The following UTS2R variants were observed in gnomAD, a reference collection of about 807,000 sequenced individuals.
UTS2R encodes the protein urotensin-2 receptor.
For missense variants in UTS2R, 653 were observed against 562.2 expected, an observed-to-expected ratio of 1.16 and a Z score of -1.63; for synonymous variants, 335 against 280.9, an observed-to-expected ratio of 1.19 and a Z score of -1.93.
rs962768001 is a variant in UTS2R at position 82,376,613 on chromosome 17, A to G, written c.*1119A>G. On this transcript the variant is annotated 3_prime_UTR_variant, in exon 3 of 3. Transcript: ENST00000313135. ...CAGCGCTCTCCCCAGGGCCTCCCGGAAGAGGGGCAATGCTTGCAGCTCCCC... is the reference window on the plus strand; with the variant it reads ...CAGCGCTCTCCCCAGGGCCTCCCGGGAGAGGGGCAATGCTTGCAGCTCCCC... Among the ~76,000 whole-genome samples, 1 of 152,178 alleles carries G rather than the reference A, an allele frequency of 6.6e-6. No individual in the cohort carries two copies. Among genetic ancestry groups the G allele is most frequent in the Non-Finnish European group, 1.5e-5 (1 of 68,030 alleles).
In UTS2R at chr17:82,374,542, T is replaced by C; in HGVS notation, c.218T>C (p.Leu73Pro). 1.3e-6 allele frequency: 2 copies of C among 1,585,026 alleles called. No individual in the cohort carries two copies. The highest frequency in any genetic ancestry group is 1.1e-5 in the South Asian group (1 of 87,992). ...VVGVVGNAYTLVVTCRSLRAV... is the reference protein window; with the variant it reads ...VVGVVGNAYTPVVTCRSLRAV... ...GGCGTGGTGGGCAACGCCTACACGC[T>C]GGTGGTCACCTGCCGCTCCCTGCGT... Residue 73 changes from leucine (L) to proline (P), a missense_variant, in exon 3 of 3, where the codon CTG becomes CCG. By Grantham distance (98) the Leu-to-Pro change is moderately conservative. Transcript: ENST00000313135.
chr17:82,373,890 T>G (rs907824871), intron 2 of UTS2R, among the ~76,000 whole-genome samples: 6 of 152,154 alleles, frequency 3.9e-5, no homozygotes, highest in African/African-American at 1.4e-4. Context: ...AAGTGAGGCC[T>G]GGGGGGGCGC....
In UTS2R at chr17:82,374,403, G is replaced by T; in HGVS notation, c.79G>T (p.Gly27Cys). 6.3e-7 allele frequency: 1 copy of T among 1,593,856 alleles called. No individual in the cohort carries two copies. ...TGSSVPEPPG[G>C]PNATLNSSWA... ...CAGCTCTGTGCCGGAGCCGCCTGGCGGCCCCAACGCAACCCTCAACAGCTC... is the reference window on the plus strand; with the variant it reads ...CAGCTCTGTGCCGGAGCCGCCTGGCTGCCCCAACGCAACCCTCAACAGCTC... The change falls in exon 3 of 3, where the codon GGC becomes TGC. Residue 27 changes from glycine (G) to cysteine (C), a missense_variant. Physicochemically the swap from Gly to Cys is radical, Grantham distance 159. Transcript: ENST00000313135.
rs1328136455 is a variant in UTS2R at position 82,376,538 on chromosome 17, T to G, written c.*1044T>G. On this transcript the variant is annotated 3_prime_UTR_variant, in exon 3 of 3. Transcript: ENST00000313135. ...CTCCAGTGCCTACCCCTCAGTGGAG[T>G]GAGCACAGCTCTGCTGGCAGGACTG... 2.6e-5 allele frequency among the ~76,000 whole-genome samples: 4 copies of G among 151,934 alleles called. No homozygotes were observed. The highest frequency in any genetic ancestry group is 4.4e-5 in the Non-Finnish European group (3 of 67,976).
rs372316040 is a variant in UTS2R, at chr17:82,375,394, G to A, written c.1070G>A (p.Arg357His). The A allele has an allele frequency of 6.0e-5, 95 of 1,577,388 alleles. No individual in the cohort carries two copies. In the African/African-American group the frequency reaches 1.2e-3, roughly 20 times the overall value. Residue 357 changes from arginine (R) to histidine (H), a missense_variant, in exon 3 of 3, where the codon CGC becomes CAC. Coordinates refer to ENST00000313135, the MANE Select transcript of UTS2R (RefSeq NM_018949.3). ...PRARFQRCSG[R>H]SLSSCSPQPT... ...GCCCGCTTCCAGCGCTGTTCGGGCC[G>A]CTCCCTGTCTTCCTGCAGCCCACAG...
chr17:82,375,353 C>T lies in UTS2R; in HGVS notation c.1029C>T (p.Pro343=), dbSNP rs911283776. The T allele has an allele frequency of 8.2e-6, 13 of 1,576,192 alleles. No homozygotes were observed. The highest frequency in any genetic ancestry group is 1.4e-5 in the African/African-American group (1 of 71,588). The part of the protein sequence containing the change: ...PGSGGGRGPV[P]SLQPRARFQR... Reference sequence around the variant, plus strand: ...GCGGGGGAGGCCGGGGGCCCGTTCCCTCCCTGCAGCCCCGCGCCCGCTTCC... The same window carrying T: ...GCGGGGGAGGCCGGGGGCCCGTTCCTTCCCTGCAGCCCCGCGCCCGCTTCC... The change falls in exon 3 of 3, where the codon CCC becomes CCT. Residue 343 remains proline (P), a synonymous_variant. Transcript: ENST00000313135.
intron 2 of UTS2R, among the ~76,000 whole-genome samples, 84 bp downstream of exon 2, chr17:82,372,867 C>T (rs193265667): frequency 5.6e-4 from 86 of 152,310 alleles, no homozygotes; most frequent in Middle Eastern, 6.8e-3. Flanking sequence ...TCCAAAGCGG[C>T]GGCACAGTCC....
intron 2 of UTS2R, among the ~76,000 whole-genome samples, chr17:82,374,027 G>C (rs1599673345): frequency 6.6e-6 from 1 of 152,032 alleles, no homozygotes; most frequent in African/African-American, 2.4e-5. Context: ...ACAGTGAGGG[G>C]GGGGCAGGGG....
Position 82,375,342 on chromosome 17 carries a change from G to A in UTS2R, c.1018G>A (p.Gly340Arg). The A allele has an allele frequency of 6.4e-7, 1 of 1,563,636 alleles. No individual in the cohort carries two copies. Among genetic ancestry groups the A allele is most frequent in the Non-Finnish European group, 8.6e-7 (1 of 1,158,034 alleles). The change falls in exon 3 of 3, where the codon GGG (glycine) becomes AGG (arginine). Residue 340 changes from glycine (G) to arginine (R), a missense_variant. Physicochemically the swap from Gly to Arg is moderately radical, Grantham distance 125 (BLOSUM62 -2). Transcript: ENST00000313135. Reference protein sequence around the residue: ...VRGPGSGGGRGPVPSLQPRAR... With the variant: ...VRGPGSGGGRRPVPSLQPRAR... ...GGGCCCGGGCAGCGGGGGAGGCCGG[G>A]GGCCCGTTCCCTCCCTGCAGCCCCG... is the stretch of plus-strand genomic sequence containing the variant.
intron 1 of UTS2R, among the ~76,000 whole-genome samples, chr17:82,372,305 G>A (rs1567856356): frequency 6.6e-6 from 1 of 152,200 alleles, no homozygotes; most frequent in African/African-American, 2.4e-5. Flanking sequence ...CAACTGGGGA[G>A]CCCGGTGCAC....
intron 2 of UTS2R, 126 bp from the exon 3 acceptor site, chr17:82,374,117 G>T: frequency 5.3e-6 from 3 of 561,972 alleles, no homozygotes; most frequent in Non-Finnish European, 6.3e-6. Context: ...TGCAGAGCTG[G>T]TGGCTTCCAG....
rs535833712 is a variant in UTS2R at position 82,376,841 on chromosome 17, G to T, written c.*1347G>T. ...CAGCCGCCCCGTCTGGGAGGGAGGTGGGGGGGTCAGCCCCCCGCCCGGCCA... is the reference window on the plus strand; with the variant it reads ...CAGCCGCCCCGTCTGGGAGGGAGGTTGGGGGGTCAGCCCCCCGCCCGGCCA... On this transcript the variant is annotated 3_prime_UTR_variant, in exon 3 of 3. Coordinates refer to ENST00000313135, the MANE Select transcript of UTS2R (RefSeq NM_018949.3). 5.5e-4 allele frequency among the ~76,000 whole-genome samples: 84 copies of T among 152,094 alleles called. No homozygotes were observed. Among genetic ancestry groups the T allele is most frequent in the Non-Finnish European group, 8.1e-4 (55 of 67,962 alleles).
At position 82,374,685 on chromosome 17, in the gene UTS2R, G is replaced by C; in HGVS notation, c.361G>C (p.Val121Leu). The change falls in exon 3 of 3, where the codon GTG becomes CTG. Residue 121 changes from valine to leucine, a missense_variant. Val to Leu is a conservative substitution (Grantham distance 32). Coordinates refer to ENST00000313135, the MANE Select transcript of UTS2R (RefSeq NM_018949.3). ...YVTKEWHFGD[V>L]GCRVLFGLDF... is the part of the protein sequence containing the mutation. ...CACCAAGGAGTGGCACTTCGGGGAC[G>C]TGGGCTGCCGCGTGCTCTTCGGCCT... 1 of 1,613,358 alleles carries C rather than the reference G, an allele frequency of 6.2e-7. No individual in the cohort carries two copies. Among genetic ancestry groups the C allele is most frequent in the Non-Finnish European group, 8.5e-7 (1 of 1,179,948 alleles).
chr17:82,375,122 C>A lies in UTS2R; in HGVS notation c.798C>A (p.Leu266=). Reference sequence around the variant, plus strand: ...GCCTGGTGCTGGGCATCGTGCTGCTCTTCTGGGCCTGCTTCCTGCCCTTCT... The same window carrying A: ...GCCTGGTGCTGGGCATCGTGCTGCTATTCTGGGCCTGCTTCCTGCCCTTCT... The part of the protein sequence containing the change: ...ALRLVLGIVL[L]FWACFLPFWL... The change falls in exon 3 of 3, where the codon CTC becomes CTA. Residue 266 remains leucine, a synonymous_variant. Coordinates refer to ENST00000313135, the MANE Select transcript of UTS2R (RefSeq NM_018949.3). 3 of 1,523,112 alleles carry A rather than the reference C, an allele frequency of 2.0e-6. No homozygotes were observed. In the East Asian group the frequency reaches 7.9e-5, roughly 40 times the overall value. 94.3% of individuals were successfully genotyped at this position (1,523,112 alleles called of 1,614,324 possible).
chr17:82,374,472 G>T lies in UTS2R; in HGVS notation c.148G>T (p.Ala50Ser), dbSNP rs2143109628. 6.3e-7 allele frequency: 1 copy of T among 1,596,212 alleles called. No homozygotes were observed. Among genetic ancestry groups the T allele is most frequent in the East Asian group, 2.3e-5 (1 of 44,244 alleles). ...TEPSSLEDLV[A>S]TGTIGTLLSA... ...GCCCAGCTCCCTGGAGGACCTGGTGGCCACGGGCACCATTGGGACTCTGCT... is the reference window on the plus strand; with the variant it reads ...GCCCAGCTCCCTGGAGGACCTGGTGTCCACGGGCACCATTGGGACTCTGCT... The change falls in exon 3 of 3, where the codon GCC (alanine) becomes TCC (serine). Residue 50 changes from alanine to serine, a missense_variant. Transcript: ENST00000313135.
rs1489823682 is a variant in UTS2R, at chr17:82,375,349, T to C, written c.1025T>C (p.Val342Ala). The stretch of plus-strand genomic sequence containing the variant: ...GGCAGCGGGGGAGGCCGGGGGCCCG[T>C]TCCCTCCCTGCAGCCCCGCGCCCGC... ...GPGSGGGRGP[V>A]PSLQPRARFQ... Residue 342 changes from valine to alanine, a missense_variant, in exon 3 of 3, where the codon GTT (valine) becomes GCT (alanine). Coordinates refer to ENST00000313135, the MANE Select transcript of UTS2R (RefSeq NM_018949.3). 8.3e-6 allele frequency: 13 copies of C among 1,573,666 alleles called. No homozygotes were observed. The highest frequency in any genetic ancestry group is 1.1e-5 in the Non-Finnish European group (13 of 1,163,778).
In UTS2R at chr17:82,375,524, G is replaced by T; in HGVS notation, c.*30G>T. 1.0e-6 allele frequency: 1 copy of T among 973,408 alleles called. No homozygotes were observed. Among genetic ancestry groups the T allele is most frequent in the Non-Finnish European group, 1.4e-6 (1 of 699,442 alleles). 60.3% of individuals were successfully genotyped at this position (973,408 alleles called of 1,614,324 possible). A position where few individuals can be genotyped will look rare whatever the true frequency, so the allele number is the denominator to read the frequency against. ...GCGGAGGGGCGGCTGGAGTCCAGGCGGGGACGCGCCCCAAAGCCCCAGCCA... is the reference window on the plus strand; with the variant it reads ...GCGGAGGGGCGGCTGGAGTCCAGGCTGGGACGCGCCCCAAAGCCCCAGCCA... On this transcript the variant is annotated 3_prime_UTR_variant, in exon 3 of 3. Transcript: ENST00000313135.
rs2052469407 is a variant in UTS2R at position 82,374,262 on chromosome 17, G to A, written c.-63G>A. The stretch of plus-strand genomic sequence containing the variant: ...CCACAGGCTGAGCTGGTTGCCCACA[G>A]GGGCCCCCGCCCCATCTCAGGGAGT... On this transcript the variant is annotated 5_prime_UTR_variant, in exon 3 of 3. Transcript: ENST00000313135. 6.5e-6 allele frequency: 9 copies of A among 1,374,452 alleles called. No homozygotes were observed. The highest frequency in any genetic ancestry group is 8.7e-6 in the Non-Finnish European group (9 of 1,036,906). The allele number at this position is 1,374,452 out of a possible 1,614,324, so 85.1% of individuals were successfully genotyped here.
Position 82,374,771 on chromosome 17 carries a change from C to A in UTS2R, c.447C>A (p.Tyr149Ter), listed in dbSNP as rs13305976. Reference protein sequence around the residue: ...FTLTVMSSERYAAVLRPLDTV... With the variant: ...FTLTVMSSER ...TGACCGTCATGAGCAGCGAGCGCTA[C>A]GCTGCGGTGCTGCGGCCGCTGGACA... The change falls in exon 3 of 3, where the codon TAC (tyrosine) becomes TAA (stop). Residue 149 changes from tyrosine (Y) to a stop codon, truncating the protein, a stop_gained. Transcript: ENST00000313135. LOFTEE classifies it low-confidence loss of function (END_TRUNC). The A allele has an allele frequency of 6.9e-6, 11 of 1,604,704 alleles. No homozygotes were observed. Among genetic ancestry groups the A allele is most frequent in the Middle Eastern group, 1.7e-4 (1 of 6,040 alleles).
Sources: gnomAD v4.1 joint callset for allele counts (sites outside exome capture counted in the v4.1 genomes callset) on GRCh38, gnomAD v4.1.1 for gene constraint, MANE v1.5 for transcripts, NCBI Gene and HGNC (gene_info 2026-07-23, HGNC 2026-07-21) for gene names.